The following ADAMTS1 variants were observed in gnomAD, a reference collection of about 807,000 sequenced individuals.
The protein encoded by ADAMTS1 is A disintegrin and metalloproteinase with thrombospondin motifs 1.
Under a neutral mutation model 87.9 loss-of-function variants are expected in ADAMTS1, and 19 were observed. The observed-to-expected ratio is 0.22, with a 90% CI of 0.15 to 0.32. ADAMTS1 has a LOEUF of 0.32. ADAMTS1 is among the 10% of genes least tolerant of loss of function. The pLI is 1.00. For missense variants in ADAMTS1, 1,240 were observed against 1,259.1 expected (o/e 0.98, Z 0.23); for synonymous variants, 542 against 501.8 (o/e 1.08, Z -1.07).
chr21:26,843,455 GA>G (rs1290557790), intron 1 of ADAMTS1: 1 of 469,856 alleles, frequency 2.1e-6, no homozygotes, highest in South Asian at 1.6e-5. Flanking sequence ...GTTAAAGAAG[GA>G]AAAAGGCACC....
At position 26,844,283 on chromosome 21, in the gene ADAMTS1, G is replaced by A; in HGVS notation, c.672C>T (p.Asp224=). ...EDEDEGTEGE[D]EGAQWSPQDP... ...CCTGCGGCGACCACTGAGCCCCTTCGTCCTCGCCCTCAGTCCCTTCGTCCT... is the reference window on the plus strand; with the variant it reads ...CCTGCGGCGACCACTGAGCCCCTTCATCCTCGCCCTCAGTCCCTTCGTCCT... The change falls in exon 1 of 9, where the codon GAC becomes GAT. Residue 224 remains aspartate, a synonymous_variant. Transcript: ENST00000284984. The A allele has an allele frequency of 6.2e-7, 1 of 1,605,296 alleles. No individual in the cohort carries two copies. The highest frequency in any genetic ancestry group is 8.5e-7 in the Non-Finnish European group (1 of 1,176,386).
Position 26,840,000 on chromosome 21 carries a change from C to A in ADAMTS1, c.1727G>T (p.Gly576Val), listed in dbSNP as rs1337341942. The change falls in exon 6 of 9, where the codon GGT becomes GTT. Residue 576 changes from glycine to valine, a missense_variant. Gly to Val is a moderately radical substitution (Grantham distance 109, BLOSUM62 -3). This residue lies in a region of ADAMTS1 where 317 missense variants were observed against 410.3 expected (regional missense o/e 0.77). Transcript: ENST00000284984. ...GPWGDCSRTC[G>V]GGVQYTMREC... ...CCTCATCGTGTACTGGACTCCTCCA[C>A]CGCACGTTCTCGAACAGTCTCCCCA... 6.2e-7 allele frequency: 1 copy of A among 1,614,120 alleles called. No homozygotes were observed. The highest frequency in any genetic ancestry group is 8.5e-7 in the Non-Finnish European group (1 of 1,180,038).
At position 26,838,492 on chromosome 21, in the gene ADAMTS1, G is replaced by A. The variant is rs7278894; in HGVS notation, c.2151C>T (p.Cys717=). Residue 717 remains cysteine, a synonymous_variant, in exon 8 of 9, where the codon TGC becomes TGT. Coordinates refer to ENST00000284984, the MANE Select transcript of ADAMTS1 (RefSeq NM_006988.5). ...SKKKFDKCGV[C]GGNGSTCKKI... Reference sequence around the variant, plus strand: ...TTTTACAAGTAGATCCATTTCCCCCGCAAACACCACATTTATCAAACTTCT... The same window carrying A: ...TTTTACAAGTAGATCCATTTCCCCCACAAACACCACATTTATCAAACTTCT... The A allele has an allele frequency of 5.1e-5, 83 of 1,613,888 alleles. No homozygotes were observed. The highest frequency in any genetic ancestry group is 2.5e-4 in the Admixed American group (15 of 59,986).
intron 1 of ADAMTS1, 145 bp from the exon 2 acceptor site, chr21:26,842,830 T>C: frequency 1.5e-6 from 1 of 663,688 alleles, no homozygotes; most frequent in Non-Finnish European, 2.5e-6. Context: ...TTTGCATATC[T>C]TCACTCCAAG....
Position 26,837,647 on chromosome 21 carries a change from C to T in ADAMTS1, c.2836G>A (p.Glu946Lys), listed in dbSNP as rs1985395388. The T allele has an allele frequency of 1.2e-6, 2 of 1,614,092 alleles. No individual in the cohort carries two copies. The highest frequency in any genetic ancestry group is 2.2e-5 in the East Asian group (1 of 44,882). ...LSHDGGVLSH[E>K]SCDPLKKPKH... is the part of the protein sequence containing the mutation. The stretch of plus-strand genomic sequence containing the variant: ...GGTTTCTTTAAAGGATCACAGCTCT[C>T]ATGAGATAACACCCCTCCATCATGG... The change falls in exon 9 of 9, where the codon GAG (glutamate) becomes AAG (lysine). Residue 946 changes from glutamate to lysine, a missense_variant. Physicochemically the swap from Glu to Lys is moderately conservative, Grantham distance 56. Transcript: ENST00000284984.
In ADAMTS1 at chr21:26,844,476, G is replaced by C. The variant is rs772739465; in HGVS notation, c.479C>G (p.Pro160Arg). Residue 160 changes from proline (P) to arginine (R), a missense_variant, in exon 1 of 9, where the codon CCG becomes CGG. By Grantham distance (103) the Pro-to-Arg change is moderately radical. Transcript: ENST00000284984. ...YLLGEAYFIQ[P>R]LPAASERLAT... ...GAGGCGCTCGCTGGCGGCGGGCAGC[G>C]GCTGGATGAAATACGCCTCCCCCAG... 5 of 1,587,526 alleles carry C rather than the reference G, an allele frequency of 3.1e-6. No individual in the cohort carries two copies. Among genetic ancestry groups the C allele is most frequent in the Non-Finnish European group, 4.3e-6 (5 of 1,166,960 alleles).
chr21:26,843,480 A>T (rs1250694660), intron 1 of ADAMTS1: 1 of 460,010 alleles, frequency 2.2e-6, no homozygotes, highest in South Asian at 1.6e-5. Context: ...GTGATGAAAC[A>T]AAAAGAACTG....
chr21:26,838,624 G>A lies in ADAMTS1; in HGVS notation c.2029-10C>T. ...GAGTACCATCTACAACCTGAAAAAA[G>A]GACACATGTCTAGTGTTACATACAA... is the stretch of plus-strand genomic sequence containing the variant. On this transcript the variant is annotated splice_polypyrimidine_tract_variant and intron_variant, in intron 7 of 8. Coordinates refer to ENST00000284984, the MANE Select transcript of ADAMTS1 (RefSeq NM_006988.5). The A allele has an allele frequency of 6.2e-7, 1 of 1,612,350 alleles. No individual in the cohort carries two copies. Among genetic ancestry groups the A allele is most frequent in the Non-Finnish European group, 8.5e-7 (1 of 1,179,244 alleles).
chr21:26,837,493 G>A lies in ADAMTS1; in HGVS notation c.*86C>T, dbSNP rs1003017946. 12 of 1,187,616 alleles carry A rather than the reference G, an allele frequency of 1.0e-5. No homozygotes were observed. The highest frequency in any genetic ancestry group is 3.8e-5 in the Admixed American group (2 of 52,348). The allele number at this position is 1,187,616 out of a possible 1,614,324, so 73.6% of individuals were successfully genotyped here. ...ACCTCACTGGTTACTGGCAAGATAC[G>A]CTGGATCCCTCCAGCCTTCTTGCTT... On this transcript the variant is annotated 3_prime_UTR_variant, in exon 9 of 9. Transcript: ENST00000284984.
Position 26,844,323 on chromosome 21 carries a change from G to T in ADAMTS1, c.632C>A (p.Ala211Glu), listed in dbSNP as rs781154347. 34 of 1,608,434 alleles carry T rather than the reference G, an allele frequency of 2.1e-5. No homozygotes were observed. The highest frequency in any genetic ancestry group is 8.5e-7 in the Non-Finnish European group (1 of 1,178,702). ...CCCTTCGTCCTCGTCTTCGGTCTCC[G>T]CTTTCCCAGTCGGCCGGGGCTCGTC... ...VDDEPRPTGK[A>E]ETEDEDEGTE... Residue 211 changes from alanine (A) to glutamate (E), a missense_variant, in exon 1 of 9, where the codon GCG (alanine) becomes GAG (glutamate). By Grantham distance (107) the Ala-to-Glu change is moderately radical. Around this residue, in one of 3 missense-constraint regions of ADAMTS1, gnomAD observed 521 missense variants for 449.7 expected, o/e 1.16. Coordinates refer to ENST00000284984, the MANE Select transcript of ADAMTS1 (RefSeq NM_006988.5).
chr21:26,839,543 C>A, intron 7 of ADAMTS1, 44 bp downstream of exon 7: 1 of 1,471,392 alleles, frequency 6.8e-7, no homozygotes, highest in Non-Finnish European at 9.1e-7. Flanking sequence ...GGTAGCAAGC[C>A]CAGGCCTTGA....
chr21:26,844,767 G>A lies in ADAMTS1; in HGVS notation c.188C>T (p.Pro63Leu). 6.4e-7 allele frequency: 1 copy of A among 1,551,628 alleles called. No homozygotes were observed. Among genetic ancestry groups the A allele is most frequent in the Non-Finnish European group, 8.7e-7 (1 of 1,145,394 alleles). The change falls in exon 1 of 9, where the codon CCG becomes CTG. Residue 63 changes from proline to leucine, a missense_variant. This residue lies in a region of ADAMTS1 where 521 missense variants were observed against 449.7 expected (regional missense o/e 1.16). Transcript: ENST00000284984. ...PSEEDEELVV[P>L]ELERAPGHGT... ...GTGTCCCGGGGCGCGCTCCAGCTCC[G>A]GCACCACTAGCTCCTCGTCCTCCTC...
Position 26,844,723 on chromosome 21 carries a change from G to A in ADAMTS1, c.232C>T (p.Leu78=). The A allele has an allele frequency of 6.3e-7, 1 of 1,579,898 alleles. No individual in the cohort carries two copies. The highest frequency in any genetic ancestry group is 8.6e-7 in the Non-Finnish European group (1 of 1,161,744). The change falls in exon 1 of 9, where the codon CTG becomes TTG. Residue 78 remains leucine, a synonymous_variant. Coordinates refer to ENST00000284984, the MANE Select transcript of ADAMTS1 (RefSeq NM_006988.5). The part of the protein sequence containing the change: ...APGHGTTRLR[L]HAFDQQLDLE... ...TCCAGCTGCTGGTCAAAGGCGTGCA[G>A]GCGGAGGCGCGTGGTCCCGTGTCCC...
chr21:26,842,932 C>T (rs1403138644), intron 1 of ADAMTS1: 2 of 511,844 alleles, frequency 3.9e-6, no homozygotes. Context: ...AGCAGGATTT[C>T]TTCTGTTCTC....
chr21:26,844,451 G>A lies in ADAMTS1; in HGVS notation c.504C>T (p.Leu168=), dbSNP rs780559162. The change falls in exon 1 of 9, where the codon CTC becomes CTT. Residue 168 remains leucine (L), a synonymous_variant. Transcript: ENST00000284984. ...GCTTCTCCCCTGGGGCGGCGGTGGC[G>A]AGGCGCTCGCTGGCGGCGGGCAGCG... ...IQPLPAASER[L]ATAAPGEKPP... is the part of the protein sequence containing the mutation. 8.8e-6 allele frequency: 14 copies of A among 1,587,536 alleles called. No individual in the cohort carries two copies. The highest frequency in any genetic ancestry group is 1.7e-4 in the Middle Eastern group (1 of 5,970).
In ADAMTS1 at chr21:26,844,425, G is replaced by T; in HGVS notation, c.530C>A (p.Pro177Gln). 1 of 1,588,666 alleles carries T rather than the reference G, an allele frequency of 6.3e-7. No homozygotes were observed. The highest frequency in any genetic ancestry group is 8.6e-7 in the Non-Finnish European group (1 of 1,167,926). The change falls in exon 1 of 9, where the codon CCG becomes CAG. Residue 177 changes from proline (P) to glutamine (Q), a missense_variant. Physicochemically the swap from Pro to Gln is moderately conservative, Grantham distance 76. This residue lies in a region of ADAMTS1 where 521 missense variants were observed against 449.7 expected (regional missense o/e 1.16). Transcript: ENST00000284984. The part of the protein sequence containing the change: ...RLATAAPGEK[P>Q]PAPLQFHLLR... ...GAGGTGGAACTGTAGTGGTGCCGGCGGCTTCTCCCCTGGGGCGGCGGTGGC... is the reference window on the plus strand; with the variant it reads ...GAGGTGGAACTGTAGTGGTGCCGGCTGCTTCTCCCCTGGGGCGGCGGTGGC...
chr21:26,838,855 AG>A (rs1985433702), intron 7 of ADAMTS1: 2 of 400,132 alleles, frequency 5.0e-6, no homozygotes, highest in African/African-American at 2.0e-5. Flanking sequence ...TGTCTCCTCC[AG>A]CTAAGGTCAA....
intron 8 of ADAMTS1, 78 bp downstream of exon 8, chr21:26,838,361 G>A (rs1458651485): frequency 1.9e-6 from 3 of 1,581,508 alleles, no homozygotes; most frequent in Non-Finnish European, 2.6e-6. Context: ...AATCTTTTAT[G>A]AGACATATTT....
In ADAMTS1 at chr21:26,844,649, G is replaced by A. The variant is rs763321055; in HGVS notation, c.306C>T (p.Leu102=). The A allele has an allele frequency of 2.5e-6, 4 of 1,603,358 alleles. No individual in the cohort carries two copies. In the African/African-American group the frequency reaches 5.3e-5, roughly 21 times the overall value. The change falls in exon 1 of 9, where the codon CTC becomes CTT. Residue 102 remains leucine (L), a synonymous_variant. Coordinates refer to ENST00000284984, the MANE Select transcript of ADAMTS1 (RefSeq NM_006988.5). ...DSSFLAPGFT[L]QNVGRKSGSE... Reference sequence around the variant, plus strand: ...ACCCGGATTTGCGCCCCACGTTCTGGAGCGTGAAGCCGGGCGCCAAAAAGC... The same window carrying A: ...ACCCGGATTTGCGCCCCACGTTCTGAAGCGTGAAGCCGGGCGCCAAAAAGC...
Sources: allele counts gnomAD v4.1 joint callset, GRCh38; gene constraint gnomAD v4.1.1; regional missense constraint gnomAD v4.1.1; transcripts MANE v1.5; gene names NCBI Gene and HGNC (gene_info 2026-07-23, HGNC 2026-07-21).